Variants in HK2 observed in about 807,000 individuals in gnomAD.
HK2 encodes hexokinase-2.
HK2 carries 42 observed loss-of-function variants against 92.9 expected under a neutral mutation model. That is an observed-to-expected ratio of 0.45 (90% CI 0.35 to 0.58). The LOEUF (loss-of-function observed/expected upper bound fraction) is 0.58, where lower values mean the gene tolerates loss of function less well. Among genes scored for constraint, HK2 ranks in the 20% least tolerant of loss-of-function variants. The probability of loss-of-function intolerance (pLI) is 0.00; values close to 1 mark genes in which losing one functional copy is unlikely to be tolerated. For missense variants in HK2, 978 were observed against 1,245.1 expected, an observed-to-expected ratio of 0.79 and a Z score of 3.23; for synonymous variants, 422 against 468.0, an observed-to-expected ratio of 0.90 and a Z score of 1.27.
rs112954107 is a variant in HK2 at position 74,873,746 on chromosome 2, A to AAGGAGGAGGAGG, written c.592-86_592-75dup. 6.2e-4 allele frequency: 455 copies of AAGGAGGAGGAGG among 735,742 alleles called. 3 individuals carry two copies. In the East Asian group the frequency reaches 0.01, roughly 16 times the overall value. The allele number at this position is 735,742 out of a possible 1,614,324, so 45.6% of individuals were successfully genotyped here. ...GGGGAGGGAGGGGGGAGAGAGAGAG[A>AAGGAGGAGGAGG]AGGAGGAGGAGGAGGAGGAGGAGTG... On this transcript the variant is annotated intron_variant, in intron 5 of 17. Coordinates refer to ENST00000290573, the MANE Select transcript of HK2 (RefSeq NM_000189.5).
intron 1 of HK2, among the ~76,000 whole-genome samples, chr2:74,853,441 C>CGGGAGGCAGAGGTTGCA (rs1368173284): frequency 2.0e-5 from 3 of 151,736 alleles, no homozygotes; most frequent in Non-Finnish European, 4.4e-5. Context: ...TGCTTGAACC[C>CGGGAGGCAGAGGTTGCA]GGGAGGCAGA....
intron 7 of HK2, 129 bp downstream of exon 7, chr2:74,874,578 A>G: frequency 1.2e-6 from 1 of 830,624 alleles, no homozygotes; most frequent in Non-Finnish European, 1.9e-6. Context: ...GCCACTGGTC[A>G]TAGGAATGTC....
intron 2 of HK2, among the ~76,000 whole-genome samples, chr2:74,867,220 G>A (rs1189894846): frequency 1.3e-5 from 2 of 151,370 alleles, no homozygotes; most frequent in Non-Finnish European, 2.9e-5. Flanking sequence ...AATGGCATTC[G>A]TAGCAACCTG....
chr2:74,843,281 TC>T (rs61633675), intron 1 of HK2, among the ~76,000 whole-genome samples: 1,636 of 152,210 alleles, frequency 0.011, 29 homozygotes, highest in African/African-American at 0.037. Flanking sequence ...GTGTGTTCCT[TC>T]CTGCTGAGCC....
At chr2:74,851,444 G>T (rs1301299928) in intron 1 of HK2, among the ~76,000 whole-genome samples, 1 of 152,242 alleles carries the variant, frequency 6.6e-6, no homozygotes, top group Non-Finnish European at 1.5e-5. Flanking sequence ...TTCTTCAAGG[G>T]TTGAGGATGA....
intron 1 of HK2, 119 bp from the exon 2 acceptor site, chr2:74,854,174 A>T: frequency 3.1e-6 from 3 of 966,194 alleles, no homozygotes; most frequent in Non-Finnish European, 5.0e-6. Context: ...CTTTAATAAT[A>T]ACTTTCTGTA....
Position 74,872,335 on chromosome 2 carries a change from C to T in HK2, c.411C>T (p.Phe137=), listed in dbSNP as rs1262261888. ...FDHIAECLAN[F]MDKLQIKDKK... ...ACATTGCCGAATGCCTGGCTAACTT[C>T]ATGGATAAGCTACAAATCAAAGACA... Residue 137 remains phenylalanine (F), a synonymous_variant, in exon 4 of 18, where the codon TTC becomes TTT. Coordinates refer to ENST00000290573, the MANE Select transcript of HK2 (RefSeq NM_000189.5). The T allele has an allele frequency of 1.2e-6, 2 of 1,614,082 alleles. No individual in the cohort carries two copies. The highest frequency in any genetic ancestry group is 1.7e-6 in the Non-Finnish European group (2 of 1,179,952).
At chr2:74,872,482 T>C in intron 4 of HK2, 63 bp downstream of exon 4, 5 of 1,577,214 alleles carry the variant, frequency 3.2e-6, no homozygotes, top group Non-Finnish European at 3.5e-6. Context: ...TGAGAGGGAC[T>C]TCTGAGCCAC....
intron 8 of HK2, among the ~76,000 whole-genome samples, chr2:74,878,316 C>G (rs1424219825): frequency 1.3e-5 from 2 of 152,288 alleles, no homozygotes; most frequent in Admixed American, 6.5e-5. Context: ...CACAAACTCT[C>G]ACACACACAA....
At chr2:74,861,649 G>A (rs1354283815) in intron 2 of HK2, among the ~76,000 whole-genome samples, 1 of 152,134 alleles carries the variant, frequency 6.6e-6, no homozygotes, top group Admixed American at 6.5e-5. Context: ...CTGACTCCAC[G>A]GCCATAAGAT....
rs377391303 is a variant in HK2, at chr2:74,868,168, G to A, written c.375+384G>A. Among the ~76,000 whole-genome samples, 32 of 152,260 alleles carry A rather than the reference G, an allele frequency of 2.1e-4. No homozygotes were observed. In the East Asian group the frequency reaches 6.2e-3, roughly 29 times the overall value. On this transcript the variant is annotated intron_variant, in intron 3 of 17. Coordinates refer to ENST00000290573, the MANE Select transcript of HK2 (RefSeq NM_000189.5). The stretch of plus-strand genomic sequence containing the variant: ...CTGACCATGAGTAGAACACGCTGGG[G>A]AGATATTTTTAGACTCATTATTTGT...
chr2:74,875,379 T>A (rs528535892), intron 7 of HK2, among the ~76,000 whole-genome samples: 2 of 135,852 alleles, frequency 1.5e-5, no homozygotes, highest in East Asian at 2.5e-4. Context: ...CCCAGGCTGG[T>A]GTGCAATGGC....
Position 74,840,219 on chromosome 2 carries a change from A to G in HK2, c.63+5576A>G, listed in dbSNP as rs573271405. ...TGATCCACCTGCCTAGGCCTCCCAAAGTACTGGGATTACTTTGGCGTGAGC... is the reference window on the plus strand; with the variant it reads ...TGATCCACCTGCCTAGGCCTCCCAAGGTACTGGGATTACTTTGGCGTGAGC... On this transcript the variant is annotated intron_variant, in intron 1 of 17. Transcript: ENST00000290573. Among the ~76,000 whole-genome samples the G allele has an allele frequency of 5.3e-5, 8 of 150,002 alleles. No homozygotes were observed. The South Asian group carries it at 1.5e-3, about 28-fold the overall frequency.
At chr2:74,878,983 C>G (rs1047427723) in intron 9 of HK2, 62 bp downstream of exon 9, 1 of 1,338,328 alleles carries the variant, frequency 7.5e-7, no homozygotes, top group Non-Finnish European at 1.0e-6. Flanking sequence ...CTGAGTGACT[C>G]CTCATGCCAG....
intron 3 of HK2, among the ~76,000 whole-genome samples, chr2:74,869,612 TA>T (rs1689047334): frequency 6.6e-6 from 1 of 152,218 alleles, no homozygotes; most frequent in South Asian, 2.1e-4. Flanking sequence ...TTTAAGATTT[TA>T]AACGTATATC....
At chr2:74,869,748 A>G (rs1020102175) in intron 3 of HK2, among the ~76,000 whole-genome samples, 1 of 152,178 alleles carries the variant, frequency 6.6e-6, no homozygotes, top group Non-Finnish European at 1.5e-5. Context: ...TCTGCATCTT[A>G]CCCATAGATC....
chr2:74,876,824 A>G (rs1334222421), intron 7 of HK2, among the ~76,000 whole-genome samples: 1 of 152,214 alleles, frequency 6.6e-6, no homozygotes, highest in Non-Finnish European at 1.5e-5. Context: ...TAATTTTAAA[A>G]ATGATTTCCT....
At chr2:74,877,885 G>T (rs753623137) in intron 8 of HK2, among the ~76,000 whole-genome samples, 3 of 152,192 alleles carry the variant, frequency 2.0e-5, no homozygotes, top group Non-Finnish European at 4.4e-5. Flanking sequence ...GGCGGGCCTC[G>T]TTTACTGTTC....
chr2:74,874,025 C>A, intron 6 of HK2, 82 bp downstream of exon 6: 1 of 1,107,284 alleles, frequency 9.0e-7, no homozygotes, highest in Non-Finnish European at 1.4e-6. Flanking sequence ...GGCCCATGGG[C>A]TGGGTGTTCC....
Sources: allele counts gnomAD v4.1 joint callset (sites outside exome capture counted in the v4.1 genomes callset), GRCh38; gene constraint gnomAD v4.1.1; transcripts MANE v1.5; gene names NCBI Gene and HGNC (gene_info 2026-07-23, HGNC 2026-07-21).